TMEM181: variants seen among roughly 807,000 people sequenced by gnomAD.
TMEM181 encodes the protein transmembrane protein 181, also known as G protein-coupled receptor 178.
A neutral mutation model predicts 71.9 loss-of-function variants in TMEM181; 39 were observed. That is an observed-to-expected ratio of 0.54 (90% CI 0.42 to 0.71). The LOEUF (loss-of-function observed/expected upper bound fraction) is 0.71, where lower values mean the gene tolerates loss of function less well. Among genes scored for constraint, TMEM181 ranks in the 30% least tolerant of loss-of-function variants. The probability of loss-of-function intolerance (pLI) is 0.00; values close to 1 mark genes in which losing one functional copy is unlikely to be tolerated. For synonymous variants in TMEM181, 245 were observed against 228.8 expected, an observed-to-expected ratio of 1.07 and a Z score of -0.64; for missense variants, 595 against 583.0, an observed-to-expected ratio of 1.02 and a Z score of -0.21.
intron 1 of TMEM181, chr6:158,572,460 G>A (rs770799720): frequency 8.8e-6 from 4 of 456,572 alleles, no homozygotes; most frequent in African/African-American, 2.0e-5. Flanking sequence ...AGCGCCGCAC[G>A]TCCCTCTGGT....
chr6:158,567,644 C>T (rs1473921054), intron 1 of TMEM181, among the ~76,000 whole-genome samples: 2 of 152,152 alleles, frequency 1.3e-5, no homozygotes, highest in Non-Finnish European at 2.9e-5. Flanking sequence ...AGTGGGCCAG[C>T]CTGGAGTCTG....
At chr6:158,549,984 CT>C (rs1781667353) in intron 1 of TMEM181, among the ~76,000 whole-genome samples, 1 of 129,072 alleles carries the variant, frequency 7.7e-6, no homozygotes, top group African/African-American at 3.0e-5. Flanking sequence ...ACACAAGTGA[CT>C]CCACTTTGAT....
intron 4 of TMEM181, 39 bp downstream of exon 4, chr6:158,584,083 C>T (rs1287189659): frequency 8.6e-6 from 13 of 1,515,218 alleles, no homozygotes; most frequent in Middle Eastern, 3.5e-4. Context: ...TTTCATTATA[C>T]GAAGAAACAT....
At chr6:158,548,889 G>A (rs945945217) in intron 1 of TMEM181, among the ~76,000 whole-genome samples, 1 of 152,228 alleles carries the variant, frequency 6.6e-6, no homozygotes, top group African/African-American at 2.4e-5. Context: ...ACCACCCAAG[G>A]CAGAGAAGGT....
At chr6:158,549,952 C>CTTT (rs34066198) in intron 1 of TMEM181, among the ~76,000 whole-genome samples, 32,070 of 110,444 alleles carry the variant, frequency 0.29, 5,440 homozygotes, top group East Asian at 0.53. Flanking sequence ...TTTGTCAGGA[C>CTTT]TTTTTTTTTT....
intron 1 of TMEM181, among the ~76,000 whole-genome samples, chr6:158,562,550 G>C (rs1782250120): frequency 6.6e-6 from 1 of 151,794 alleles, no homozygotes; most frequent in South Asian, 2.1e-4. Flanking sequence ...TTTCAATGTA[G>C]AAGTGTATTA....
Position 158,625,997 on chromosome 6 carries a change from C to T in TMEM181, c.1109+243C>T, listed in dbSNP as rs143950259. On this transcript the variant is annotated intron_variant, in intron 13 of 16. Transcript: ENST00000684151. Reference sequence around the variant, plus strand: ...ACTTGCACACTCGGCCCGCGCTGGGCATGTTCTGTCCTTGCTGTGCCACCT... The same window carrying T: ...ACTTGCACACTCGGCCCGCGCTGGGTATGTTCTGTCCTTGCTGTGCCACCT... Among the ~76,000 whole-genome samples the T allele has an allele frequency of 2.0e-4, 31 of 152,322 alleles. No homozygotes were observed. The East Asian group carries it at 4.8e-3, about 24-fold the overall frequency.
At chr6:158,623,411 C>A (rs1786087298) in intron 10 of TMEM181, 139 bp from the exon 11 acceptor site, 1 of 525,394 alleles carries the variant, frequency 1.9e-6, no homozygotes. Context: ...TTTAGGATTG[C>A]TTTGTAAAAA....
chr6:158,595,159 TC>T (rs1784326263), intron 6 of TMEM181, among the ~76,000 whole-genome samples: 1 of 152,256 alleles, frequency 6.6e-6, no homozygotes, highest in Non-Finnish European at 1.5e-5. Context: ...ATTACTAACA[TC>T]CTGGTATGGA....
intron 6 of TMEM181, among the ~76,000 whole-genome samples, chr6:158,598,865 G>C (rs1033771262): frequency 6.6e-6 from 1 of 152,008 alleles, no homozygotes. Flanking sequence ...AGTAGAGATG[G>C]GGTTTCACTG....
intron 13 of TMEM181, chr6:158,626,764 A>G (rs373518004): frequency 2.0e-4 from 92 of 457,160 alleles, no homozygotes; most frequent in South Asian, 1.4e-3. Context: ...TCACAACCTC[A>G]CATAGAGGCT....
At chr6:158,624,329 G>GA (rs879608932) in intron 11 of TMEM181, among the ~76,000 whole-genome samples, 1 of 152,198 alleles carries the variant, frequency 6.6e-6, no homozygotes, top group Non-Finnish European at 1.5e-5. Flanking sequence ...AGTCACTTAG[G>GA]TGCTTTTGAG....
chr6:158,625,301 T>A, intron 12 of TMEM181, 95 bp downstream of exon 12: 3 of 1,092,626 alleles, frequency 2.7e-6, no homozygotes, highest in Non-Finnish European at 4.2e-6. Context: ...GGGGCCTTCC[T>A]TGAGGGCCCA....
At chr6:158,572,795 C>T (rs1160630866) in intron 1 of TMEM181, among the ~76,000 whole-genome samples, 2 of 152,284 alleles carry the variant, frequency 1.3e-5, no homozygotes, top group East Asian at 1.9e-4. Context: ...CACGGCAAGG[C>T]AGCGTCCGTG....
At chr6:158,589,980 T>C (rs549946439) in intron 6 of TMEM181, among the ~76,000 whole-genome samples, 198 bp downstream of exon 6, 1 of 152,200 alleles carries the variant, frequency 6.6e-6, no homozygotes, top group Non-Finnish European at 1.5e-5. Flanking sequence ...TCATAGAGAT[T>C]GGGCAAACCT....
At chr6:158,606,235 G>A (rs1409548047) in intron 7 of TMEM181, among the ~76,000 whole-genome samples, 2 of 151,284 alleles carry the variant, frequency 1.3e-5, no homozygotes, top group African/African-American at 2.4e-5. Context: ...CTGGAGGGAA[G>A]GGCGTGGGCG....
At chr6:158,536,822 C>T (rs752801059) in exon 1 of TMEM181, 17 of 1,553,230 alleles carry the variant, frequency 1.1e-5, no homozygotes, top group Non-Finnish European at 1.5e-5. Context: ...GTACCGCGAG[C>T]TCAAGGAGGA....
In TMEM181 at chr6:158,581,753, C is replaced by CAAAAA. The variant is rs10626721; in HGVS notation, c.168+775_168+779dup. On this transcript the variant is annotated intron_variant, in intron 3 of 16. Transcript: ENST00000684151. ...TGGGTGACAGAGTGAGACTCTGTCT[C>CAAAAA]AAAAAAAAAAAAAAAAAAAAAGCCT... Among the ~76,000 whole-genome samples the CAAAAA allele has an allele frequency of 7.6e-3, 473 of 61,852 alleles. 20 individuals are homozygous for CAAAAA. The highest frequency in any genetic ancestry group is 0.012 in the African/African-American group (171 of 14,340). The allele number at this position is 61,852 out of a possible 152,430, so 40.6% of individuals were successfully genotyped here.
At position 158,605,274 on chromosome 6, in the gene TMEM181, C is replaced by T. The variant is rs199963911; in HGVS notation, c.500C>T (p.Thr167Ile). 51 of 1,613,664 alleles carry T rather than the reference C, an allele frequency of 3.2e-5. No individual in the cohort carries two copies. The highest frequency in any genetic ancestry group is 1.1e-5 in the Non-Finnish European group (13 of 1,179,886). Residue 167 changes from threonine (T) to isoleucine (I), a missense_variant, in exon 7 of 17, where the codon ACT (threonine) becomes ATT (isoleucine). Physicochemically the swap from Thr to Ile is moderately conservative, Grantham distance 89. Coordinates refer to ENST00000684151, the MANE Select transcript of TMEM181 (RefSeq NM_001376852.1). ...PIKGMNFTWK[T>I]YNPAFSRLEI... ...CTCCACTTTCTATTTTAGTGGAAGACTTATAACCCTGCCTTCTCCCGGTTG... is the reference window on the plus strand; with the variant it reads ...CTCCACTTTCTATTTTAGTGGAAGATTTATAACCCTGCCTTCTCCCGGTTG...
Sources: gnomAD v4.1 joint callset for allele counts (sites outside exome capture counted in the v4.1 genomes callset) on GRCh38, gnomAD v4.1.1 for gene constraint, MANE v1.5 for transcripts, NCBI Gene and HGNC (gene_info 2026-07-23, HGNC 2026-07-21) for gene names.